The following PBX4 variants were observed in gnomAD, a reference collection of about 807,000 sequenced individuals.
The protein encoded by PBX4 is PBX homeobox 4, also known as pre-B-cell leukemia transcription factor 4.
A neutral mutation model predicts 35.1 loss-of-function variants in PBX4; 26 were observed. The observed-to-expected ratio is 0.74, with a 90% confidence interval of 0.54 to 1.03. PBX4 has a LOEUF of 1.03. Among genes scored for constraint, PBX4 ranks in the 50% least tolerant of loss-of-function variants. PBX4 has a pLI of 0.00. For missense variants in PBX4, 448 were observed against 504.3 expected (o/e 0.89, Z 1.07); for synonymous variants, 199 against 204.2 (o/e 0.97, Z 0.22).
intron 2 of PBX4, among the ~76,000 whole-genome samples, chr19:19,595,110 C>A (rs192714850): frequency 6.6e-6 from 1 of 152,278 alleles, no homozygotes; most frequent in East Asian, 1.9e-4. Flanking sequence ...AGTGGGGAGC[C>A]CCCAAAGGCT....
Position 19,563,531 on chromosome 19 carries a change from C to T in PBX4, c.1010G>A (p.Gly337Glu). The change falls in exon 7 of 8, where the codon GGG becomes GAG. Residue 337 changes from glycine (G) to glutamate (E), a missense_variant. Transcript: ENST00000251203. The surrounding 1 kb of genome is among the most constrained non-coding windows in gnomAD (Gnocchi z 5.1). Reference sequence around the variant, plus strand: ...CACCTGGGACTGCAGGCAGCCTCCCCCAGGAGGAGGCTGGAGAGAGGCCAG... The same window carrying T: ...CACCTGGGACTGCAGGCAGCCTCCCTCAGGAGGAGGCTGGAGAGAGGCCAG... ...RTLASLQPPP[G>E]GGCLQSQAQG... 1 of 1,550,426 alleles carries T rather than the reference C, an allele frequency of 6.4e-7. No homozygotes were observed. Among genetic ancestry groups the T allele is most frequent in the Non-Finnish European group, 8.7e-7 (1 of 1,146,884 alleles).
chr19:19,618,620 G>A lies in PBX4; in HGVS notation c.10C>T (p.Pro4Ser), dbSNP rs1048709240. The A allele has an allele frequency of 1.6e-5, 20 of 1,250,520 alleles. No individual in the cohort carries two copies. The highest frequency in any genetic ancestry group is 2.0e-5 in the Non-Finnish European group (20 of 996,082). The allele number at this position is 1,250,520 out of a possible 1,614,324, so 77.5% of individuals were successfully genotyped here. A position where few individuals can be genotyped will look rare whatever the true frequency, so the allele number is the denominator to read the frequency against. MAA[P>S]PRPAPSPPAP... ...GGGGGCGATGGCGCGGGGCGCGGCG[G>A]GGCGGCCATGAGCGGCAGGGCCGGG... Residue 4 changes from proline (P) to serine (S), a missense_variant, in exon 1 of 8, where the codon CCG becomes TCG. By Grantham distance (74) the Pro-to-Ser change is moderately conservative. Coordinates refer to ENST00000251203, the MANE Select transcript of PBX4 (RefSeq NM_025245.3).
chr19:19,570,494 T>C (rs1288473882), intron 3 of PBX4, 92 bp downstream of exon 3: 36 of 1,553,428 alleles, frequency 2.3e-5, no homozygotes, highest in South Asian at 1.2e-5. Context: ...CTCCCTGTTC[T>C]GCGCCACGAA....
chr19:19,603,046 A>G (rs2061607608), intron 1 of PBX4, among the ~76,000 whole-genome samples: 1 of 152,190 alleles, frequency 6.6e-6, no homozygotes, highest in African/African-American at 2.4e-5. Context: ...CTGCCATGCC[A>G]TGCCATGCCC....
chr19:19,579,131 A>G (rs1568384361), intron 2 of PBX4, among the ~76,000 whole-genome samples: 2 of 152,082 alleles, frequency 1.3e-5, no homozygotes, highest in African/African-American at 4.8e-5. Flanking sequence ...AGGGTGGATC[A>G]CAAGGTCAAT....
intron 2 of PBX4, among the ~76,000 whole-genome samples, chr19:19,591,316 A>G (rs1359617022): frequency 6.6e-6 from 1 of 152,222 alleles, no homozygotes; most frequent in African/African-American, 2.4e-5. Flanking sequence ...CTGAATTTAC[A>G]GAACCCGATT....
chr19:19,603,681 G>C (rs1376821134), intron 1 of PBX4, among the ~76,000 whole-genome samples: 1 of 152,206 alleles, frequency 6.6e-6, no homozygotes, highest in East Asian at 1.9e-4. Context: ...AAATGGCCAG[G>C]CGCAGTGGCT....
Position 19,570,181 on chromosome 19 carries a change from G to C in PBX4, c.560C>G (p.Ala187Gly). ...GCTCTGCTTCAACTGCATCTGGATG[G>C]CGCTGAACTTGCCGTGAATGGCGCC... ...MVGAIHGKFSAIQMQLKQSTC... is the reference protein window; with the variant it reads ...MVGAIHGKFSGIQMQLKQSTC... Residue 187 changes from alanine (A) to glycine (G), a missense_variant, in exon 4 of 8, where the codon GCC (alanine) becomes GGC (glycine). By Grantham distance (60) the Ala-to-Gly change is moderately conservative. Coordinates refer to ENST00000251203, the MANE Select transcript of PBX4 (RefSeq NM_025245.3). 6.2e-7 allele frequency: 1 copy of C among 1,614,052 alleles called. No homozygotes were observed.
At position 19,569,528 on chromosome 19, in the gene PBX4, TA is replaced by T; in HGVS notation, c.688del (p.Tyr230ThrfsTer4). 6.2e-7 allele frequency: 1 copy of T among 1,613,570 alleles called. No homozygotes were observed. Among genetic ancestry groups the T allele is most frequent in the Non-Finnish European group, 8.5e-7 (1 of 1,179,786 alleles). On this transcript the variant is annotated frameshift_variant, in exon 5 of 8. Transcript: ENST00000251203. LOFTEE classifies it high-confidence loss of function. ...GGGGTAAGGGTTGTTCAGATGGGAG[TA>T]AAAATACTCATTCAGCACTTCCGTC... Reference protein sequence around the residue: ...QATEVLNEYFYSHLNNPYPSE... With the variant: ...QATEVLNEYFXSHLNNPYPSE...
At chr19:19,564,154 C>G (rs1381627276) in intron 6 of PBX4, among the ~76,000 whole-genome samples, 1 of 123,542 alleles carries the variant, frequency 8.1e-6, no homozygotes, top group Non-Finnish European at 1.7e-5. Flanking sequence ...CCCCCCACCC[C>G]ACAACAGTCC....
chr19:19,562,484 T>A lies in PBX4; in HGVS notation c.1033-367A>T, dbSNP rs1284843036. Among the ~76,000 whole-genome samples the A allele has an allele frequency of 2.6e-5, 4 of 151,740 alleles. No homozygotes were observed. ...GACGCCCGGAGCGTCATGGTGAGAC[T>A]CGGTGGGAAAAAGGGGCTCTGAAAC... On this transcript the variant is annotated intron_variant, in intron 7 of 7. Transcript: ENST00000251203. This position sits in a 1 kb window ranked among gnomAD's most constrained non-coding sequence, Gnocchi z 4.8.
intron 2 of PBX4, among the ~76,000 whole-genome samples, chr19:19,584,057 G>A (rs1341540625): frequency 6.6e-6 from 1 of 151,960 alleles, no homozygotes; most frequent in Non-Finnish European, 1.5e-5. Flanking sequence ...CAACAAGAGC[G>A]AAACTTCATC....
chr19:19,616,544 T>G (rs1486040942), intron 1 of PBX4, among the ~76,000 whole-genome samples: 1 of 152,004 alleles, frequency 6.6e-6, no homozygotes, highest in East Asian at 1.9e-4. Context: ...CTCGAACTCT[T>G]GACCTCAGGT....
rs546694434 is a variant in PBX4 at position 19,603,683 on chromosome 19, G to A, written c.120-4318C>T. Among the ~76,000 whole-genome samples, 6 of 152,314 alleles carry A rather than the reference G, an allele frequency of 3.9e-5. No homozygotes were observed. The South Asian group carries it at 6.2e-4, about 16-fold the overall frequency. ...GCAAGGATAGAGTAAATGGCCAGGCGCAGTGGCTCACGCCTGTAATCCCAG... is the reference window on the plus strand; with the variant it reads ...GCAAGGATAGAGTAAATGGCCAGGCACAGTGGCTCACGCCTGTAATCCCAG... On this transcript the variant is annotated intron_variant, in intron 1 of 7. Coordinates refer to ENST00000251203, the MANE Select transcript of PBX4 (RefSeq NM_025245.3).
chr19:19,563,644 G>A lies in PBX4; in HGVS notation c.926-29C>T. ...GAAGAGATGGGAGCCGGGGTGGGCA[G>A]AGTCGTGGCGCCTCCTCAGGTGGAA... is the stretch of plus-strand genomic sequence containing the variant. On this transcript the variant is annotated intron_variant, in intron 6 of 7. Coordinates refer to ENST00000251203, the MANE Select transcript of PBX4 (RefSeq NM_025245.3). The surrounding 1 kb of genome is among the most constrained non-coding windows in gnomAD (Gnocchi z 5.1). The A allele has an allele frequency of 6.5e-7, 1 of 1,533,960 alleles. No individual in the cohort carries two copies. Among genetic ancestry groups the A allele is most frequent in the Non-Finnish European group, 8.8e-7 (1 of 1,133,824 alleles).
At chr19:19,596,789 C>G (rs1233120188) in intron 2 of PBX4, among the ~76,000 whole-genome samples, 1 of 151,610 alleles carries the variant, frequency 6.6e-6, no homozygotes, top group Non-Finnish European at 1.5e-5. Flanking sequence ...CAACGTGGCT[C>G]GTGCCTGTAG....
chr19:19,589,155 G>A (rs1315245020), intron 2 of PBX4, among the ~76,000 whole-genome samples: 1 of 152,104 alleles, frequency 6.6e-6, no homozygotes, highest in Non-Finnish European at 1.5e-5. Context: ...GAGGCTGGGT[G>A]CGGTGGCTCA....
intron 3 of PBX4, 129 bp downstream of exon 3, chr19:19,570,457 C>A (rs2061375019): frequency 6.8e-7 from 1 of 1,460,948 alleles, no homozygotes; most frequent in Non-Finnish European, 9.3e-7. Context: ...AACAATGGAC[C>A]ACCTCTGCAG....
chr19:19,597,199 G>C (rs1454776461), intron 2 of PBX4, among the ~76,000 whole-genome samples: 1 of 152,146 alleles, frequency 6.6e-6, no homozygotes, highest in African/African-American at 2.4e-5. Context: ...GGCAATAAGA[G>C]TGAAACTCCA....
Sources: allele counts gnomAD v4.1 joint callset (sites outside exome capture counted in the v4.1 genomes callset), GRCh38; gene constraint gnomAD v4.1.1; non-coding constraint Gnocchi (gnomAD v3.1); transcripts MANE v1.5; gene names NCBI Gene and HGNC (gene_info 2026-07-23, HGNC 2026-07-21).